Variants in RYR2 observed in about 807,000 individuals in gnomAD.
The protein encoded by RYR2 is ryanodine receptor 2, also known as cardiac muscle ryanodine receptor-calcium release channel.
In RYR2, 227 loss-of-function variants were observed where a neutral mutation model predicts 601.1. The ratio of observed to expected loss-of-function variants is 0.38; its 90% confidence interval spans 0.34 to 0.42. The LOEUF (loss-of-function observed/expected upper bound fraction) is 0.42, where lower values mean the gene tolerates loss of function less well. RYR2 is among the 10% of genes least tolerant of loss of function. The pLI is 1.00. For missense variants in RYR2, 4,646 were observed against 6,156.5 expected (o/e 0.75, Z 8.21); for synonymous variants, 2,223 against 2,175.1 (o/e 1.02, Z -0.61).
chr1:237,441,776 C>G (rs1707924753), intron 13 of RYR2, among the ~76,000 whole-genome samples: 1 of 152,072 alleles, frequency 6.6e-6, no homozygotes, highest in African/African-American at 2.4e-5. Context: ...GTCCTCCATG[C>G]TGTGACAAAG....
At chr1:237,161,423 T>C (rs1388527548) in intron 1 of RYR2, among the ~76,000 whole-genome samples, 1 of 152,180 alleles carries the variant, frequency 6.6e-6, no homozygotes, top group East Asian at 1.9e-4. Flanking sequence ...ATGGAAATAC[T>C]TTATAGTTAT....
chr1:237,670,258 C>T (rs989332420), intron 58 of RYR2, among the ~76,000 whole-genome samples: 3 of 140,058 alleles, frequency 2.1e-5, no homozygotes, highest in South Asian at 2.3e-4. Context: ...AGCTTCGGCT[C>T]GGCATCAGAG....
chr1:237,110,720 G>A lies in RYR2; in HGVS notation c.48+68151G>A, dbSNP rs545051614. The stretch of plus-strand genomic sequence containing the variant: ...AGGCACTGTTCCTCTACTCTTCTGC[G>A]TCATCTCAGCTTCATTTCTCCCTCG... On this transcript the variant is annotated intron_variant, in intron 1 of 104. Coordinates refer to ENST00000366574, the MANE Select transcript of RYR2 (RefSeq NM_001035.3). 1.4e-4 allele frequency among the ~76,000 whole-genome samples: 21 copies of A among 152,224 alleles called. No individual in the cohort carries two copies. The South Asian group carries it at 4.0e-3, about 29-fold the overall frequency.
chr1:237,733,549 T>A (rs1268809843), intron 78 of RYR2, among the ~76,000 whole-genome samples, 156 bp from the exon 79 acceptor site: 1 of 152,322 alleles, frequency 6.6e-6, no homozygotes, highest in African/African-American at 2.4e-5. Flanking sequence ...AGGATATTTC[T>A]GAATATCCTA....
rs564011333 is a variant in RYR2, at chr1:237,747,663, C to T, written c.11145+5314C>T. On this transcript the variant is annotated intron_variant, in intron 80 of 104. Transcript: ENST00000366574. ...ATGGGCTGTAAGATATACTGCCCTC[C>T]ATGGCTACATAATTTGAACTTTGAA... 4.0e-4 allele frequency among the ~76,000 whole-genome samples: 61 copies of T among 152,304 alleles called. 1 individual carries two copies. The South Asian group carries it at 0.012, about 30-fold the overall frequency.
At chr1:237,715,124 C>T (rs561633055) in intron 71 of RYR2, among the ~76,000 whole-genome samples, 1 of 150,410 alleles carries the variant, frequency 6.6e-6, no homozygotes, top group African/African-American at 2.4e-5. Flanking sequence ...ATATCTGATC[C>T]AAATGCACAG....
At chr1:237,474,195 GTA>G (rs1361514139) in intron 17 of RYR2, among the ~76,000 whole-genome samples, 2 of 111,760 alleles carry the variant, frequency 1.8e-5, no homozygotes, top group Non-Finnish European at 4.2e-5. Flanking sequence ...ATGTACGTGT[GTA>G]TATATGTGTG....
chr1:237,105,792 G>A (rs1014249747), intron 1 of RYR2, among the ~76,000 whole-genome samples: 35 of 140,502 alleles, frequency 2.5e-4, no homozygotes, highest in African/African-American at 9.1e-4. Context: ...CTGAGATTGC[G>A]CCACTGCACT....
At chr1:237,791,148 T>C (rs2149378069) in intron 92 of RYR2, among the ~76,000 whole-genome samples, 1 of 152,320 alleles carries the variant, frequency 6.6e-6, no homozygotes, top group East Asian at 1.9e-4. Context: ...ATAGCACCCC[T>C]ATTCCCTAAG....
At chr1:237,796,856 C>T (rs1659301909) in intron 96 of RYR2, among the ~76,000 whole-genome samples, 1 of 152,056 alleles carries the variant, frequency 6.6e-6, no homozygotes, top group Non-Finnish European at 1.5e-5. Context: ...ATGATTTCAG[C>T]TCACTGCAAT....
rs199988609 is a variant in RYR2, at chr1:237,614,276, T to A, written c.5148T>A (p.Thr1716=). ...ACATCCACCTGAGCTCCTATGCCAC[T>A]GCCAGGCTCATGATGAACAACGAGT... ...LIDIHLSSYA[T]ARLMMNNEYI... is the part of the protein sequence containing the mutation. Residue 1716 remains threonine (T), a synonymous_variant, in exon 37 of 105, where the codon ACT becomes ACA. Coordinates refer to ENST00000366574, the MANE Select transcript of RYR2 (RefSeq NM_001035.3). The surrounding 1 kb of genome is among the most constrained non-coding windows in gnomAD (Gnocchi z 4.3). 10 of 1,613,906 alleles carry A rather than the reference T, an allele frequency of 6.2e-6. No homozygotes were observed. Among genetic ancestry groups the A allele is most frequent in the Non-Finnish European group, 8.5e-6 (10 of 1,179,902 alleles).
chr1:237,594,886 G>GTTTTTTTTGTTTTTT (rs1675642723), intron 33 of RYR2, among the ~76,000 whole-genome samples: 134 of 60,408 alleles, frequency 2.2e-3, no homozygotes, highest in African/African-American at 0.01. Flanking sequence ...ATATCACTGG[G>GTTTTTTTTGTTTTTT]TTTTTTTTTT....
chr1:237,748,048 G>A (rs573025043), intron 80 of RYR2, among the ~76,000 whole-genome samples: 2 of 152,224 alleles, frequency 1.3e-5, no homozygotes. Context: ...TGATTATCTC[G>A]TGTCTTAGCT....
chr1:237,728,483 T>C (rs548373041), intron 76 of RYR2, among the ~76,000 whole-genome samples: 8 of 152,096 alleles, frequency 5.3e-5, no homozygotes, highest in African/African-American at 1.9e-4. Context: ...CACATGCACA[T>C]GTATGTTTAT....
intron 51 of RYR2, 44 bp from the exon 52 acceptor site, chr1:237,654,230 A>G (rs1200158674): frequency 1.3e-6 from 2 of 1,591,602 alleles, no homozygotes; most frequent in Non-Finnish European, 1.7e-6. Context: ...AAAATATAAA[A>G]GGTTTTGATA....
chr1:237,496,167 G>A (rs1017188194), intron 19 of RYR2, among the ~76,000 whole-genome samples: 2 of 152,184 alleles, frequency 1.3e-5, no homozygotes, highest in South Asian at 4.1e-4. Context: ...CACTTGGGAG[G>A]TCGAGGCAGG....
At chr1:237,396,515 C>T (rs561713947) in intron 10 of RYR2, among the ~76,000 whole-genome samples, 1 of 152,262 alleles carries the variant, frequency 6.6e-6, no homozygotes, top group Non-Finnish European at 1.5e-5. Context: ...TGTTTTCTCC[C>T]ACTATTTTCT....
intron 17 of RYR2, among the ~76,000 whole-genome samples, chr1:237,474,252 C>CATATATATGTATATATCTATACATAT (rs369381519): frequency 3.9e-4 from 52 of 132,630 alleles, no homozygotes; most frequent in East Asian, 1.3e-3. Flanking sequence ...TAGATATATA[C>CATATATATGTATATATCTATACATAT]ATATGTATAG....
intron 27 of RYR2, among the ~76,000 whole-genome samples, chr1:237,562,383 G>T (rs1671545909): frequency 6.6e-6 from 1 of 152,120 alleles, no homozygotes; most frequent in African/African-American, 2.4e-5. Flanking sequence ...TGTAACTTAA[G>T]ATTTTAATGT....
Sources: allele counts gnomAD v4.1 joint callset (sites outside exome capture counted in the v4.1 genomes callset), GRCh38; gene constraint gnomAD v4.1.1; non-coding constraint Gnocchi (gnomAD v3.1); transcripts MANE v1.5; gene names NCBI Gene and HGNC (gene_info 2026-07-23, HGNC 2026-07-21).